ATL1: variants seen among roughly 807,000 people sequenced by gnomAD.
ATL1 encodes the protein atlastin-1.
A neutral mutation model predicts 75.5 loss-of-function variants in ATL1; 31 were observed. The ratio of observed to expected loss-of-function variants is 0.41; its 90% CI spans 0.31 to 0.55. The LOEUF (loss-of-function observed/expected upper bound fraction) is 0.55, where lower values mean the gene tolerates loss of function less well. ATL1 is among the 20% of genes least tolerant of loss of function. The pLI is 0.27. For missense variants in ATL1, 405 were observed against 662.6 expected (o/e 0.61, Z 4.27); for synonymous variants, 226 against 233.3 (o/e 0.97, Z 0.28).
upstream of ATL1, among the ~76,000 whole-genome samples, chr14:50,555,472 C>T (rs1429187766): frequency 6.6e-6 from 1 of 152,026 alleles, no homozygotes; most frequent in Non-Finnish European, 1.5e-5. Flanking sequence ...TTAGTAGAGA[C>T]GGGGTTTCAC....
intron 12 of ATL1, chr14:50,628,696 G>C: frequency 3.0e-6 from 2 of 671,310 alleles, no homozygotes; most frequent in Non-Finnish European, 5.5e-6. Context: ...ATATACATCA[G>C]TTTAGTAGTA....
At chr14:50,614,538 G>A in intron 8 of ATL1, 27 bp downstream of exon 8, 1 of 1,610,262 alleles carries the variant, frequency 6.2e-7, no homozygotes, top group Non-Finnish European at 8.5e-7. Flanking sequence ...GAATATGTTT[G>A]CATCACTTAG....
chr14:50,597,030 T>C (rs1197582835), intron 6 of ATL1, among the ~76,000 whole-genome samples: 1 of 151,378 alleles, frequency 6.6e-6, no homozygotes, highest in East Asian at 1.9e-4. Context: ...ACCAATATGG[T>C]GAAACCCCGT....
intron 1 of ATL1, among the ~76,000 whole-genome samples, chr14:50,574,971 A>ATATATCTATATATATATATC (rs1234160143): frequency 7.7e-6 from 1 of 129,584 alleles, no homozygotes; most frequent in African/African-American, 3.0e-5. Context: ...ATATATATAT[A>ATATATCTATATATATATATC]TATATTAGCT....
Position 50,623,116 on chromosome 14 carries a change from C to T in ATL1, c.1048-61C>T. ...ACATGATGCTCTGAAATGTGAACTG[C>T]CTGTGGAAGTTTAATCAATATGAAC... is the stretch of plus-strand genomic sequence containing the variant. On this transcript the variant is annotated intron_variant, in intron 10 of 13. Coordinates refer to ENST00000358385, the MANE Select transcript of ATL1 (RefSeq NM_015915.5). 2.9e-6 allele frequency: 4 copies of T among 1,400,834 alleles called. No individual in the cohort carries two copies. In the South Asian group the frequency reaches 3.6e-5, roughly 13 times the overall value. 86.8% of individuals were successfully genotyped at this position (1,400,834 alleles called of 1,614,324 possible). A position where few individuals can be genotyped will look rare whatever the true frequency, so the allele number is the denominator to read the frequency against.
In ATL1 at chr14:50,615,389, T is replaced by C. The variant is rs578219677; in HGVS notation, c.862+878T>C. On this transcript the variant is annotated intron_variant, in intron 8 of 13. Coordinates refer to ENST00000358385, the MANE Select transcript of ATL1 (RefSeq NM_015915.5). The stretch of plus-strand genomic sequence containing the variant: ...TTGTCAGAGGGATTTAAAATTACTT[T>C]AAAGAAAGGACAATATAACTTGTAT... 1.1e-4 allele frequency among the ~76,000 whole-genome samples: 17 copies of C among 152,310 alleles called. No homozygotes were observed. In the South Asian group the frequency reaches 2.9e-3, roughly 26 times the overall value.
chr14:50,595,516 AG>A lies in ATL1; in HGVS notation c.574-59del. 4.8e-6 allele frequency: 7 copies of A among 1,471,360 alleles called. No homozygotes were observed. In the South Asian group the frequency reaches 5.8e-5, roughly 12 times the overall value. 91.1% of individuals were successfully genotyped at this position (1,471,360 alleles called of 1,614,324 possible). A position where few individuals can be genotyped will look rare whatever the true frequency, so the allele number is the denominator to read the frequency against. ...AGAATTAAAACTTTGCAGGTGCTAAAGTTCTCTCTCTCTCTCTCTCTCTCTC... is the reference window on the plus strand; with the variant it reads ...AGAATTAAAACTTTGCAGGTGCTAAATTCTCTCTCTCTCTCTCTCTCTCTC... On this transcript the variant is annotated intron_variant, in intron 5 of 13. Transcript: ENST00000358385.
intron 1 of ATL1, among the ~76,000 whole-genome samples, chr14:50,544,102 G>T (rs1471797488): frequency 6.6e-6 from 1 of 152,212 alleles, no homozygotes; most frequent in East Asian, 1.9e-4. Flanking sequence ...GTATTCACTA[G>T]GGTGTCTCTT....
rs537430100 is a variant in ATL1, at chr14:50,547,966, A to G, written c.-139-12161A>G. On this transcript the variant is annotated intron_variant, in intron 1 of 13. Transcript: ENST00000441560. ...TATCTAGACTCTCTTTGCCTGCCTC[A>G]GTCTCTGTGTTTCACTGTATTAATG... 3.3e-5 allele frequency among the ~76,000 whole-genome samples: 5 copies of G among 152,240 alleles called. No homozygotes were observed. In the South Asian group the frequency reaches 6.2e-4, roughly 19 times the overall value.
rs747668423 is a variant in ATL1, at chr14:50,632,875, A to C, written c.*536A>C. 5 of 155,358 alleles carry C rather than the reference A, an allele frequency of 3.2e-5. No homozygotes were observed. Among genetic ancestry groups the C allele is most frequent in the Non-Finnish European group, 5.7e-5 (4 of 69,894 alleles). The allele number at this position is 155,358 out of a possible 1,614,324, so 9.6% of individuals were successfully genotyped here. On this transcript the variant is annotated 3_prime_UTR_variant, in exon 14 of 14. Coordinates refer to ENST00000358385, the MANE Select transcript of ATL1 (RefSeq NM_015915.5). ...CCAGATATTGCTTTTACATGGTTTAATAGAATATAAACCTCTTGATAAAAA... is the reference window on the plus strand; with the variant it reads ...CCAGATATTGCTTTTACATGGTTTACTAGAATATAAACCTCTTGATAAAAA...
At chr14:50,594,281 C>T (rs1198774183) in intron 5 of ATL1, among the ~76,000 whole-genome samples, 1 of 152,124 alleles carries the variant, frequency 6.6e-6, no homozygotes, top group African/African-American at 2.4e-5. Flanking sequence ...CAGAGAACAG[C>T]GTGGGGGAAA....
chr14:50,547,213 C>T (rs546862028), intron 1 of ATL1, among the ~76,000 whole-genome samples: 7 of 152,138 alleles, frequency 4.6e-5, no homozygotes, highest in South Asian at 2.1e-4. Flanking sequence ...CTGCTAAAAA[C>T]GAATGAATTG....
chr14:50,621,639 A>G (rs1449839997), intron 9 of ATL1, among the ~76,000 whole-genome samples: 1 of 152,222 alleles, frequency 6.6e-6, no homozygotes, highest in Non-Finnish European at 1.5e-5. Flanking sequence ...AGATTGGCAG[A>G]CAGAGATGTT....
chr14:50,620,898 C>T (rs1416498424), intron 9 of ATL1, among the ~76,000 whole-genome samples, 172 bp downstream of exon 9: 2 of 152,088 alleles, frequency 1.3e-5, no homozygotes, highest in Non-Finnish European at 2.9e-5. Context: ...TTTCAGAAAG[C>T]TTACTTTCTG....
At chr14:50,551,668 T>C (rs1003630888) in intron 1 of ATL1, among the ~76,000 whole-genome samples, 1 of 152,176 alleles carries the variant, frequency 6.6e-6, no homozygotes, top group African/African-American at 2.4e-5. Flanking sequence ...ATCAAAAAGA[T>C]AATATACATG....
At chr14:50,560,872 A>G (rs989116879) in intron 1 of ATL1, among the ~76,000 whole-genome samples, 1 of 152,016 alleles carries the variant, frequency 6.6e-6, no homozygotes, top group Non-Finnish European at 1.5e-5. Context: ...GAGAAGGGCC[A>G]CCCTCTTGGG....
intron 12 of ATL1, among the ~76,000 whole-genome samples, chr14:50,629,541 A>G (rs12894009): frequency 6.7e-6 from 1 of 150,018 alleles, no homozygotes; most frequent in East Asian, 2.0e-4. Context: ...AGATGGCACC[A>G]CAGCACTCCA....
intron 6 of ATL1, among the ~76,000 whole-genome samples, chr14:50,611,260 A>G (rs2039363388): frequency 6.6e-6 from 1 of 152,070 alleles, no homozygotes; most frequent in Non-Finnish European, 1.5e-5. Flanking sequence ...TTTTGCTTAA[A>G]CTTGTTGGAA....
intron 1 of ATL1, among the ~76,000 whole-genome samples, chr14:50,547,055 T>G (rs963459746): frequency 2.6e-5 from 4 of 151,848 alleles, no homozygotes; most frequent in African/African-American, 9.7e-5. Context: ...AGAGAACACA[T>G]GGACACAGGG....
Sources: gnomAD v4.1 joint callset for allele counts (sites outside exome capture counted in the v4.1 genomes callset) on GRCh38, gnomAD v4.1.1 for gene constraint, MANE v1.5 for transcripts, NCBI Gene and HGNC (gene_info 2026-07-23, HGNC 2026-07-21) for gene names.